PIP4K2A: variants seen among roughly 807,000 people sequenced by gnomAD.
PIP4K2A encodes the protein phosphatidylinositol-5-phosphate 4-kinase type 2 alpha.
PIP4K2A carries 14 observed loss-of-function variants against 42.9 expected under a neutral mutation model. The ratio of observed to expected loss-of-function variants is 0.33; its 90% CI spans 0.22 to 0.51. The LOEUF is 0.51. Ranked by LOEUF, PIP4K2A falls within the 20% of genes least tolerant of loss-of-function variation. PIP4K2A has a pLI of 0.97. For synonymous variants in PIP4K2A, 192 were observed against 192.2 expected (o/e 1.00, Z 0.01); for missense variants, 434 against 519.8 (o/e 0.83, Z 1.61).
chr10:22,548,869 G>C (rs764891734), intron 7 of PIP4K2A, among the ~76,000 whole-genome samples: 42 of 143,362 alleles, frequency 2.9e-4, no homozygotes, highest in Non-Finnish European at 5.7e-4. Context: ...AACAAAGCAA[G>C]ACCCTAGTCT....
rs1170784813 is a variant in PIP4K2A, at chr10:22,536,586, G to C, written c.*615C>G. The stretch of plus-strand genomic sequence containing the variant: ...GGGCTCAGGTTATCAGTGTTAGGGA[G>C]AGTGTCTGCGTGCGGGGTAGAAATG... On this transcript the variant is annotated 3_prime_UTR_variant, in exon 10 of 10. Transcript: ENST00000376573. The C allele has an allele frequency of 1.3e-5, 2 of 156,354 alleles. No individual in the cohort carries two copies. Among genetic ancestry groups the C allele is most frequent in the African/African-American group, 2.4e-5 (1 of 41,680 alleles). The allele number at this position is 156,354 out of a possible 1,614,324, so 9.7% of individuals were successfully genotyped here.
intron 4 of PIP4K2A, among the ~76,000 whole-genome samples, chr10:22,590,909 G>A (rs772731046): frequency 6.6e-6 from 1 of 152,202 alleles, no homozygotes; most frequent in Non-Finnish European, 1.5e-5. Context: ...CTTAGTAAGC[G>A]ACCTGGCTGG....
intron 1 of PIP4K2A, among the ~76,000 whole-genome samples, chr10:22,637,418 G>C (rs1423501629): frequency 6.6e-6 from 1 of 152,194 alleles, no homozygotes; most frequent in African/African-American, 2.4e-5. Flanking sequence ...ATTACTTTTA[G>C]CATCAAGACC....
chr10:22,672,925 G>A (rs1397598267), intron 1 of PIP4K2A, among the ~76,000 whole-genome samples: 2 of 152,174 alleles, frequency 1.3e-5, no homozygotes, highest in African/African-American at 2.4e-5. Context: ...GTGAGTTCCT[G>A]AGAAGCCTTC....
At chr10:22,685,769 G>A (rs1839752634) in intron 1 of PIP4K2A, among the ~76,000 whole-genome samples, 1 of 151,970 alleles carries the variant, frequency 6.6e-6, no homozygotes, top group Non-Finnish European at 1.5e-5. Flanking sequence ...GGGCAGGGAG[G>A]GAGAAAGAGA....
intron 1 of PIP4K2A, among the ~76,000 whole-genome samples, chr10:22,700,776 G>C (rs904404166): frequency 6.6e-6 from 1 of 152,124 alleles, no homozygotes; most frequent in African/African-American, 2.4e-5. Context: ...CAAAAGCAAG[G>C]CTTATTTATT....
intron 6 of PIP4K2A, among the ~76,000 whole-genome samples, chr10:22,567,274 T>C (rs964018397): frequency 6.6e-6 from 1 of 152,168 alleles, no homozygotes; most frequent in African/African-American, 2.4e-5. Flanking sequence ...GTAAACTAAA[T>C]GTGGCTCAAA....
chr10:22,689,106 G>T (rs1291245606), intron 1 of PIP4K2A, among the ~76,000 whole-genome samples: 1 of 152,080 alleles, frequency 6.6e-6, no homozygotes, highest in Non-Finnish European at 1.5e-5. Flanking sequence ...GAACTCTTCA[G>T]GAGCTAGGGT....
chr10:22,664,633 T>C (rs1839314047), intron 1 of PIP4K2A, among the ~76,000 whole-genome samples: 1 of 152,130 alleles, frequency 6.6e-6, no homozygotes, highest in African/African-American at 2.4e-5. Context: ...TACATGCTTT[T>C]AAACAAAAAT....
intron 3 of PIP4K2A, among the ~76,000 whole-genome samples, chr10:22,592,336 G>A (rs1271875105): frequency 2.0e-5 from 3 of 152,182 alleles, no homozygotes; most frequent in African/African-American, 4.8e-5. Context: ...CTAGAATTCT[G>A]ACTCCAGTGT....
At chr10:22,556,612 A>G (rs1273208054) in intron 6 of PIP4K2A, among the ~76,000 whole-genome samples, 1 of 152,206 alleles carries the variant, frequency 6.6e-6, no homozygotes, top group Non-Finnish European at 1.5e-5. Flanking sequence ...GCACATTATA[A>G]TAGTGGATAA....
At chr10:22,561,355 C>A (rs1836689397) in intron 6 of PIP4K2A, among the ~76,000 whole-genome samples, 1 of 152,104 alleles carries the variant, frequency 6.6e-6, no homozygotes, top group Non-Finnish European at 1.5e-5. Context: ...TAATGCAAAT[C>A]ACACTAATTA....
chr10:22,667,847 G>A (rs1839376932), intron 1 of PIP4K2A, among the ~76,000 whole-genome samples: 1 of 149,728 alleles, frequency 6.7e-6, no homozygotes, highest in Non-Finnish European at 1.5e-5. Context: ...AGAAAATCCT[G>A]AAGTTTTCAG....
chr10:22,611,522 G>A (rs779330621), intron 1 of PIP4K2A, among the ~76,000 whole-genome samples: 3 of 151,794 alleles, frequency 2.0e-5, no homozygotes, highest in Non-Finnish European at 4.4e-5. Flanking sequence ...CAAATGCAAA[G>A]AGAAGAAAGG....
chr10:22,576,208 G>A (rs940777474), intron 4 of PIP4K2A, among the ~76,000 whole-genome samples: 1 of 152,130 alleles, frequency 6.6e-6, no homozygotes, highest in Non-Finnish European at 1.5e-5. Context: ...CTGAATTTCT[G>A]GGGGGAAGCA....
At chr10:22,593,126 C>A (rs185030188) in intron 3 of PIP4K2A, among the ~76,000 whole-genome samples, 2 of 152,314 alleles carry the variant, frequency 1.3e-5, no homozygotes. Context: ...CAGGGGTTTA[C>A]GCAGGCCCTA....
At chr10:22,678,376 A>G (rs1177887766) in intron 1 of PIP4K2A, among the ~76,000 whole-genome samples, 1 of 151,844 alleles carries the variant, frequency 6.6e-6, no homozygotes, top group Non-Finnish European at 1.5e-5. Flanking sequence ...ACATACATAC[A>G]CACACACTCC....
intron 1 of PIP4K2A, among the ~76,000 whole-genome samples, chr10:22,614,378 T>TC (rs764519829): frequency 6.6e-6 from 1 of 152,246 alleles, no homozygotes; most frequent in East Asian, 1.9e-4. Context: ...ATCTATACCT[T>TC]CATAATTGAG....
chr10:22,664,168 C>CATATATATATACAT (rs1839292366), intron 1 of PIP4K2A, among the ~76,000 whole-genome samples: 1 of 30,208 alleles, frequency 3.3e-5, no homozygotes, highest in Non-Finnish European at 5.6e-5. Flanking sequence ...TATATATATA[C>CATATATATATACAT]ATATATATAT....
Sources: gnomAD v4.1 joint callset for allele counts (sites outside exome capture counted in the v4.1 genomes callset) on GRCh38, gnomAD v4.1.1 for gene constraint, MANE v1.5 for transcripts, NCBI Gene and HGNC (gene_info 2026-07-23, HGNC 2026-07-21) for gene names.